Variants in USP30 observed in about 807,000 individuals in gnomAD.
USP30 encodes the protein ubiquitin carboxyl-terminal hydrolase 30.
USP30 carries 41 observed loss-of-function variants against 68.2 expected under a neutral mutation model. That is an observed-to-expected ratio of 0.60 (90% CI 0.47 to 0.78). The LOEUF is 0.78. Ranked by LOEUF, USP30 falls within the 30% of genes least tolerant of loss-of-function variation. The pLI is 0.00. For synonymous variants in USP30, 229 were observed against 253.7 expected (o/e 0.90, Z 0.93); for missense variants, 522 against 649.4 (o/e 0.80, Z 2.13).
At chr12:109,033,638 G>A (rs1175967333) in intron 3 of USP30, among the ~76,000 whole-genome samples, 2 of 152,242 alleles carry the variant, frequency 1.3e-5, no homozygotes, top group East Asian at 3.9e-4. Flanking sequence ...AAAAAAAGTG[G>A]GGGAATAAAA....
upstream of USP30, chr12:109,052,514 A>G: frequency 1.9e-6 from 1 of 517,740 alleles, no homozygotes; most frequent in Non-Finnish European, 3.1e-6. Context: ...CTCCGGGGGC[A>G]GCTACTTCCG....
In USP30 at chr12:109,042,201, C is replaced by CT. The variant is rs397812148; in HGVS notation, c.-135-5379dup. 3.6e-3 allele frequency among the ~76,000 whole-genome samples: 529 copies of CT among 145,410 alleles called. 2 individuals are homozygous for CT. The highest frequency in any genetic ancestry group is 0.012 in the African/African-American group (492 of 39,554). ...TCACTTTGTATAAACTTCTGATGAG[C>CT]TTTTTTTTTTCCAAAAGGAATGTCA... On this transcript the variant is annotated intron_variant, in intron 3 of 15. Transcript: ENST00000392784.
upstream of USP30, among the ~76,000 whole-genome samples, chr12:109,051,253 T>G (rs1377531057): frequency 1.4e-4 from 17 of 124,878 alleles, 1 homozygote; most frequent in Non-Finnish European, 2.7e-4. Flanking sequence ...CTCTTGCTTT[T>G]TTTTTTTTTT....
chr12:109,069,032 T>C (rs977871363), intron 4 of USP30, among the ~76,000 whole-genome samples: 5 of 152,228 alleles, frequency 3.3e-5, no homozygotes, highest in South Asian at 4.1e-4. Flanking sequence ...ACAATAACCA[T>C]GTAAGGAATT....
chr12:109,046,985 A>T (rs2040610932), intron 3 of USP30, among the ~76,000 whole-genome samples: 1 of 152,104 alleles, frequency 6.6e-6, no homozygotes, highest in Admixed American at 6.5e-5. Flanking sequence ...GGGTTGAGCC[A>T]CTGCGCCCGG....
At chr12:109,066,481 G>A (rs559560376) in intron 3 of USP30, among the ~76,000 whole-genome samples, 17 of 152,162 alleles carry the variant, frequency 1.1e-4, no homozygotes, top group African/African-American at 3.9e-4. Flanking sequence ...TTAGGAGTTC[G>A]AGACCAGCGT....
intron 3 of USP30, among the ~76,000 whole-genome samples, chr12:109,028,620 GGCGTGTGCCAACAC>G (rs2040460980): frequency 1.3e-5 from 2 of 152,146 alleles, no homozygotes; most frequent in Admixed American, 1.3e-4. Flanking sequence ...TGAGATTACA[GGCGTGTGCCAACAC>G]GCCTGGCTAA....
intron 3 of USP30, among the ~76,000 whole-genome samples, chr12:109,064,105 C>A (rs1356897208): frequency 6.6e-6 from 1 of 152,098 alleles, no homozygotes; most frequent in Admixed American, 6.5e-5. Flanking sequence ...ATCTCTTGAC[C>A]TTGTGATCTG....
At position 109,081,418 on chromosome 12, in the gene USP30, T is replaced by A. The variant is rs1372581846; in HGVS notation, c.780+25T>A. The A allele has an allele frequency of 2.5e-6, 4 of 1,612,430 alleles. No homozygotes were observed. In the South Asian group the frequency reaches 4.4e-5, roughly 18 times the overall value. ...GGTATGTACTGATTTATGGTTTATT[T>A]GGAGTCTGTTTCAGAAACATTTCAA... is the stretch of plus-strand genomic sequence containing the variant. On this transcript the variant is annotated intron_variant, in intron 8 of 12. Transcript: ENST00000257548.
At chr12:109,052,981 C>G in intron 1 of USP30, 1 of 418,264 alleles carries the variant, frequency 2.4e-6, no homozygotes, top group East Asian at 3.7e-5. Context: ...CTCCCCAGGT[C>G]TGTCAGTCCC....
chr12:109,023,512 G>A (rs925624115), intron 1 of USP30, among the ~76,000 whole-genome samples: 4 of 151,648 alleles, frequency 2.6e-5, no homozygotes, highest in African/African-American at 7.3e-5. Flanking sequence ...CTGAGATCGC[G>A]CCACTGCACT....
intron 3 of USP30, among the ~76,000 whole-genome samples, chr12:109,062,834 A>G (rs2041120079): frequency 1.3e-5 from 2 of 152,238 alleles, no homozygotes; most frequent in South Asian, 4.1e-4. Flanking sequence ...ATCATCCCGT[A>G]CTGAAACTGT....
intron 3 of USP30, among the ~76,000 whole-genome samples, chr12:109,042,120 A>G (rs551550919): frequency 6.6e-6 from 1 of 151,740 alleles, no homozygotes; most frequent in East Asian, 1.9e-4. Context: ...ACCCACACAT[A>G]GGTATCTTCA....
At chr12:109,054,200 A>C (rs1194832376) in intron 1 of USP30, among the ~76,000 whole-genome samples, 1 of 152,192 alleles carries the variant, frequency 6.6e-6, no homozygotes, top group Non-Finnish European at 1.5e-5. Flanking sequence ...GTGTAAAAGC[A>C]CAGTGATGTA....
chr12:109,078,790 A>G (rs922977089), intron 7 of USP30, among the ~76,000 whole-genome samples: 11 of 152,202 alleles, frequency 7.2e-5, no homozygotes, highest in Non-Finnish European at 1.6e-4. Flanking sequence ...TTTCATGTAT[A>G]TGAAAATGTT....
Position 109,070,703 on chromosome 12 carries a change from C to T in USP30, c.481-909C>T, listed in dbSNP as rs944465314. ...TTACTCCCGGAAGAGTGAGGGGTGG[C>T]TTGGGTTTTTGGGGAGAGAGCCATT... On this transcript the variant is annotated intron_variant, in intron 4 of 12. Transcript: ENST00000257548. This position sits in a 1 kb window ranked among gnomAD's most constrained non-coding sequence, Gnocchi z 4.0. Among the ~76,000 whole-genome samples the T allele has an allele frequency of 6.6e-6, 1 of 152,128 alleles. No homozygotes were observed. Among genetic ancestry groups the T allele is most frequent in the Non-Finnish European group, 1.5e-5 (1 of 68,024 alleles).
chr12:109,035,867 A>C (rs376550265), intron 3 of USP30, among the ~76,000 whole-genome samples: 49 of 152,328 alleles, frequency 3.2e-4, no homozygotes, highest in Middle Eastern at 6.8e-3. Flanking sequence ...AAAATTATAT[A>C]CAAAAAATAC....
intron 7 of USP30, among the ~76,000 whole-genome samples, chr12:109,076,188 T>A (rs1353931341): frequency 1.3e-5 from 2 of 152,188 alleles, no homozygotes; most frequent in African/African-American, 2.4e-5. Flanking sequence ...AAGTGGAATT[T>A]AAAAAAATTT....
chr12:109,053,132 T>C (rs1479674615), intron 1 of USP30, among the ~76,000 whole-genome samples: 1 of 152,078 alleles, frequency 6.6e-6, no homozygotes, highest in Non-Finnish European at 1.5e-5. Flanking sequence ...CCCCCAGTCC[T>C]TCTGGGTCCC....
Sources: gnomAD v4.1 joint callset for allele counts (sites outside exome capture counted in the v4.1 genomes callset) on GRCh38, gnomAD v4.1.1 for gene constraint, Gnocchi (gnomAD v3.1) non-coding constraint, MANE v1.5 for transcripts, NCBI Gene and HGNC (gene_info 2026-07-23, HGNC 2026-07-21) for gene names.